QARS1: variants seen among roughly 807,000 people sequenced by gnomAD.
The protein encoded by QARS1 is glutaminyl-tRNA synthetase 1, also known as glutamine--tRNA ligase.
Under a neutral mutation model 106.9 loss-of-function variants are expected in QARS1, and 79 were observed. The observed-to-expected ratio is 0.74, with a 90% CI of 0.62 to 0.89. QARS1 has a LOEUF of 0.89. Among genes scored for constraint, QARS1 ranks in the 40% least tolerant of loss-of-function variants. The pLI, the probability that QARS1 is intolerant of heterozygous loss-of-function variation, is 0.00. For synonymous variants in QARS1, 395 were observed against 367.7 expected, an observed-to-expected ratio of 1.07 and a Z score of -0.85; for missense variants, 966 against 997.2, an observed-to-expected ratio of 0.97 and a Z score of 0.42.
intron 10 of QARS1, 90 bp downstream of exon 10, chr3:49,101,265 G>A: frequency 9.9e-7 from 1 of 1,010,908 alleles, no homozygotes; most frequent in South Asian, 1.5e-5. Context: ...GTACATTATT[G>A]GGAGCAGACA....
chr3:49,097,350 T>C (rs2042405613), intron 23 of QARS1: 1 of 151,896 alleles, frequency 6.6e-6, no homozygotes, highest in Non-Finnish European at 1.5e-5. Context: ...AATAATATCT[T>C]TCGGGTGTTT....
chr3:49,099,842 G>A lies in QARS1; in HGVS notation c.1307C>T (p.Pro436Leu), dbSNP rs1456791515. 1 of 1,613,868 alleles carries A rather than the reference G, an allele frequency of 6.2e-7. No individual in the cohort carries two copies. The highest frequency in any genetic ancestry group is 8.5e-7 in the Non-Finnish European group (1 of 1,179,958). The change falls in exon 15 of 24, where the codon CCC (proline) becomes CTC (leucine). Residue 436 changes from proline to leucine, a missense_variant. By Grantham distance (98) the Pro-to-Leu change is moderately conservative. Transcript: ENST00000306125. ...HRTGDKWCIYPTYDYTHCLCD... is the reference protein window; with the variant it reads ...HRTGDKWCIYLTYDYTHCLCD... ...GAGGCAGTGTGTGTAGTCGTAGGTG[G>A]GATAGATGCACCTGTGGGGCATAGG...
In QARS1 at chr3:49,101,630, G is replaced by C; in HGVS notation, c.779C>G (p.Thr260Ser). The change falls in exon 9 of 24, where the codon ACT becomes AGT. Residue 260 changes from threonine to serine, a missense_variant. Physicochemically the swap from Thr to Ser is moderately conservative, Grantham distance 58. Coordinates refer to ENST00000306125, the MANE Select transcript of QARS1 (RefSeq NM_005051.3). ...MNLLKQHLEI[T>S]GGQVRTRFPP... ...CACATCCCCACACACCTGCCCACCA[G>C]TAATCTCCAGGTGCTGCTTTAGTAG... The C allele has an allele frequency of 6.2e-7, 1 of 1,613,758 alleles. No homozygotes were observed. The highest frequency in any genetic ancestry group is 8.5e-7 in the Non-Finnish European group (1 of 1,180,002).
rs763169989 is a variant in QARS1, at chr3:49,104,317, G to T, written c.265+7C>A. 3.7e-6 allele frequency: 6 copies of T among 1,613,880 alleles called. No individual in the cohort carries two copies. Among genetic ancestry groups the T allele is most frequent in the Non-Finnish European group, 5.1e-6 (6 of 1,179,918 alleles). On this transcript the variant is annotated splice_region_variant and intron_variant, in intron 2 of 23. Coordinates refer to ENST00000306125, the MANE Select transcript of QARS1 (RefSeq NM_005051.3). ...GTGCGAACTGGCAGGACAGGTAGGGGTCTCACCGCTTAGCTGGGGCTCAGT... is the reference window on the plus strand; with the variant it reads ...GTGCGAACTGGCAGGACAGGTAGGGTTCTCACCGCTTAGCTGGGGCTCAGT...
chr3:49,096,852 GCATGTGCCTGTAAT>G (rs1236966511), intron 23 of QARS1, among the ~76,000 whole-genome samples: 2 of 136,766 alleles, frequency 1.5e-5, no homozygotes, highest in Non-Finnish European at 3.1e-5. Flanking sequence ...GGGCGTGGTA[GCATGTGCCTGTAAT>G]CCCAGCTACT....
At chr3:49,100,845 G>C (rs2042461220) in intron 10 of QARS1, 171 bp from the exon 11 acceptor site, 2 of 701,980 alleles carry the variant, frequency 2.8e-6, no homozygotes, top group Non-Finnish European at 5.2e-6. Flanking sequence ...CCACCTCCTG[G>C]GTTTCTCCTG....
At chr3:49,101,531 G>C in intron 9 of QARS1, 89 bp downstream of exon 9, 1 of 1,567,260 alleles carries the variant, frequency 6.4e-7, no homozygotes. Context: ...AGGCCATGGT[G>C]ATGGGTGAGA....
intron 23 of QARS1, chr3:49,097,293 ATAAAT>A (rs1241561399): frequency 1.3e-5 from 2 of 152,052 alleles, no homozygotes; most frequent in Non-Finnish European, 2.9e-5. Flanking sequence ...CGTCTCTAAA[ATAAAT>A]AAAAAGAAAG....
chr3:49,098,174 C>G lies in QARS1; in HGVS notation c.2151+18G>C. 6.2e-7 allele frequency: 1 copy of G among 1,614,194 alleles called. No homozygotes were observed. Among genetic ancestry groups the G allele is most frequent in the Non-Finnish European group, 8.5e-7 (1 of 1,180,036 alleles). On this transcript the variant is annotated intron_variant, in intron 22 of 23. Transcript: ENST00000306125. ...CCAGGGAGGCCTACCTCCCTCACCCCAAACCTCATGAACCTACCAGGTTCA... is the reference window on the plus strand; with the variant it reads ...CCAGGGAGGCCTACCTCCCTCACCCGAAACCTCATGAACCTACCAGGTTCA...
rs2042499992 is a variant in QARS1, at chr3:49,103,647, G to A, written c.435C>T (p.Asn145=). The A allele has an allele frequency of 6.2e-7, 1 of 1,613,616 alleles. No homozygotes were observed. ...PQLLVERYHF[N]MGLLMGEARA... is the part of the protein sequence containing the mutation. ...CCTGCTCACCCATCAGCAGCCCCATGTTGAAATGGTAACGTTCCACCAGGA... is the reference window on the plus strand; with the variant it reads ...CCTGCTCACCCATCAGCAGCCCCATATTGAAATGGTAACGTTCCACCAGGA... The change falls in exon 4 of 24, where the codon AAC becomes AAT. Residue 145 remains asparagine, a synonymous_variant. Coordinates refer to ENST00000306125, the MANE Select transcript of QARS1 (RefSeq NM_005051.3).
chr3:49,102,139 G>T (rs1424879441), intron 7 of QARS1, 66 bp downstream of exon 7: 2 of 1,589,332 alleles, frequency 1.3e-6, no homozygotes, highest in East Asian at 4.5e-5. Context: ...AGCCTGTAAG[G>T]ACTCTTCTGA....
In QARS1 at chr3:49,100,670, T is replaced by C. The variant is rs766338397; in HGVS notation, c.881A>G (p.Asn294Ser). The change falls in exon 11 of 24, where the codon AAC (asparagine) becomes AGC (serine). Residue 294 changes from asparagine (N) to serine (S), a missense_variant. Coordinates refer to ENST00000306125, the MANE Select transcript of QARS1 (RefSeq NM_005051.3). ...AAAACGCAGAAAACAGATGCCATTG[T>C]TGGCCTAGGAAAGTTGCACCATCTG... ...INFNFGYAKA[N>S]NGICFLRFDD... 6.3e-7 allele frequency: 1 copy of C among 1,595,270 alleles called. No individual in the cohort carries two copies. The highest frequency in any genetic ancestry group is 8.6e-7 in the Non-Finnish European group (1 of 1,162,760).
At chr3:49,104,048 A>G (rs774844399) in intron 2 of QARS1, 76 bp from the exon 3 acceptor site, 2 of 1,366,520 alleles carry the variant, frequency 1.5e-6, no homozygotes, top group Non-Finnish European at 2.1e-6. Flanking sequence ...ATCTCATGAA[A>G]CTCCAAGGAT....
At chr3:49,104,225 G>T (rs140746243) in intron 2 of QARS1, 99 bp downstream of exon 2, 9 of 1,519,300 alleles carry the variant, frequency 5.9e-6, no homozygotes, top group Non-Finnish European at 8.1e-6. Flanking sequence ...AGAACTAGGT[G>T]TCTAGAAAGA....
intron 18 of QARS1, 48 bp downstream of exon 18, chr3:49,099,061 AC>A: frequency 6.2e-7 from 1 of 1,613,600 alleles, no homozygotes; most frequent in African/African-American, 1.3e-5. Context: ...AGCCAAGTGT[AC>A]CCCCAGCTAC....
In QARS1 at chr3:49,098,141, C is replaced by T. The variant is rs1474021091; in HGVS notation, c.2152-24G>A. On this transcript the variant is annotated intron_variant, in intron 22 of 23. Transcript: ENST00000306125. ...GCCTGCAGGCAGGGAACTCAGGCAA[C>T]CATCCAACCAGGGAGGCCTACCTCC... The T allele has an allele frequency of 1.5e-5, 25 of 1,614,058 alleles. No individual in the cohort carries two copies. In the East Asian group the frequency reaches 5.3e-4, roughly 35 times the overall value.
At position 49,101,373 on chromosome 3, in the gene QARS1, G is replaced by A; in HGVS notation, c.858C>T (p.Phe286=). Reference sequence around the variant, plus strand: ...TGCTTACCTTGGCATAGCCAAAGTTGAAATTGATGGCTTTGGCATGTCCAA... The same window carrying A: ...TGCTTACCTTGGCATAGCCAAAGTTAAAATTGATGGCTTTGGCATGTCCAA... ...LHIGHAKAIN[F]NFGYAKANNG... Residue 286 remains phenylalanine (F), a synonymous_variant, in exon 10 of 24, where the codon TTC becomes TTT. Transcript: ENST00000306125. 1 of 1,613,776 alleles carries A rather than the reference G, an allele frequency of 6.2e-7. No individual in the cohort carries two copies. Among genetic ancestry groups the A allele is most frequent in the Non-Finnish European group, 8.5e-7 (1 of 1,179,726 alleles).
intron 23 of QARS1, among the ~76,000 whole-genome samples, chr3:49,097,657 G>A (rs1441443239): frequency 1.3e-5 from 2 of 151,994 alleles, no homozygotes; most frequent in African/African-American, 4.8e-5. Flanking sequence ...TTAGCCGGGT[G>A]TGGTGGCAGG....
At chr3:49,099,040 C>G (rs1575399666) in intron 18 of QARS1, 51 bp from the exon 19 acceptor site, 1 of 1,613,094 alleles carries the variant, frequency 6.2e-7, no homozygotes, top group Admixed American at 1.7e-5. Context: ...CATTAGGACC[C>G]CCATGCCCAG....
Sources: allele counts gnomAD v4.1 joint callset (sites outside exome capture counted in the v4.1 genomes callset), GRCh38; gene constraint gnomAD v4.1.1; transcripts MANE v1.5; gene names NCBI Gene and HGNC (gene_info 2026-07-23, HGNC 2026-07-21).